Variants in SPOPL observed in about 807,000 individuals in gnomAD.
SPOPL encodes the protein speckle-type POZ protein-like.
In SPOPL, 23 loss-of-function variants were observed where a neutral mutation model predicts 53.8. The observed-to-expected ratio is 0.43, with a 90% CI of 0.31 to 0.61. The LOEUF (loss-of-function observed/expected upper bound fraction) is 0.61. SPOPL is among the 20% of genes least tolerant of loss of function. The pLI is 0.12. For synonymous variants in SPOPL, 164 were observed against 149.7 expected, an observed-to-expected ratio of 1.10 and a Z score of -0.70; for missense variants, 442 against 466.9, an observed-to-expected ratio of 0.95 and a Z score of 0.49.
intron 5 of SPOPL, 34 bp from the exon 6 acceptor site, chr2:138,558,988 G>A: frequency 6.5e-7 from 1 of 1,531,328 alleles, no homozygotes; most frequent in Non-Finnish European, 8.7e-7. Context: ...ATTACTTTGT[G>A]AAAGTGTTTT....
At chr2:138,534,209 G>T (rs34902922) in intron 1 of SPOPL, among the ~76,000 whole-genome samples, 14,353 of 152,148 alleles carry the variant, frequency 0.094, 836 homozygotes, top group Middle Eastern at 0.12. Flanking sequence ...GTGTTTTATA[G>T]AGTTGACCCT....
At chr2:138,555,131 GGTGTGTGTGTGTGTGT>G (rs61000380) in intron 5 of SPOPL, among the ~76,000 whole-genome samples, 8 of 140,090 alleles carry the variant, frequency 5.7e-5, no homozygotes, top group Admixed American at 3.6e-4. Context: ...AGGGTAGGAG[GGTGTGTGTGTGTGTGT>G]GTGTGTGTGT....
chr2:138,564,784 C>G lies in SPOPL; in HGVS notation c.914C>G (p.Thr305Ser). 1 of 1,614,112 alleles carries G rather than the reference C, an allele frequency of 6.2e-7. No individual in the cohort carries two copies. Among genetic ancestry groups the G allele is most frequent in the Non-Finnish European group, 8.5e-7 (1 of 1,180,000 alleles). ...CTCTCAGTAGAGAATGTTGCAGATA[C>G]CCTTGTCCTTGCAGATTTGCACAGT... ...SNLSVENVAD[T>S]LVLADLHSAE... Residue 305 changes from threonine to serine, a missense_variant, in exon 9 of 11, where the codon ACC (threonine) becomes AGC (serine). Coordinates refer to ENST00000280098, the MANE Select transcript of SPOPL (RefSeq NM_001001664.3).
At position 138,535,524 on chromosome 2, in the gene SPOPL, CT is replaced by C. The variant is rs1196839811; in HGVS notation, c.-60-14620del. 7.6e-3 allele frequency among the ~76,000 whole-genome samples: 871 copies of C among 114,566 alleles called. 7 individuals carry two copies. The highest frequency in any genetic ancestry group is 0.023 in the African/African-American group (686 of 29,832). The allele number at this position is 114,566 out of a possible 152,430, so 75.2% of individuals were successfully genotyped here. On this transcript the variant is annotated intron_variant, in intron 1 of 10. Transcript: ENST00000280098. ...CGTCAATGCAGGTGATTCCCCACTCCTTTTTTTTTTTTTAATAGCCATTCTA... is the reference window on the plus strand; with the variant it reads ...CGTCAATGCAGGTGATTCCCCACTCCTTTTTTTTTTTTAATAGCCATTCTA...
chr2:138,549,730 C>G (rs1333196572), intron 1 of SPOPL, among the ~76,000 whole-genome samples: 2 of 152,064 alleles, frequency 1.3e-5, no homozygotes, highest in Admixed American at 6.6e-5. Flanking sequence ...CTTCTGGAGT[C>G]TGACAGATGG....
chr2:138,540,701 G>A (rs868114287), intron 1 of SPOPL, among the ~76,000 whole-genome samples: 59 of 152,152 alleles, frequency 3.9e-4, no homozygotes, highest in African/African-American at 1.4e-3. Flanking sequence ...GGGACAATTT[G>A]ACTTCCTCTT....
At chr2:138,565,678 A>G (rs1038466151) in intron 10 of SPOPL, among the ~76,000 whole-genome samples, 14 of 152,146 alleles carry the variant, frequency 9.2e-5, no homozygotes, top group African/African-American at 3.1e-4. Flanking sequence ...AGTTTTGCCT[A>G]TAAACCCTTA....
At chr2:138,512,924 T>G (rs566515018) in intron 1 of SPOPL, among the ~76,000 whole-genome samples, 2 of 152,346 alleles carry the variant, frequency 1.3e-5, no homozygotes, top group South Asian at 4.1e-4. Flanking sequence ...CCAAGGACTT[T>G]ATATATACAT....
At chr2:138,548,154 CG>C in intron 1 of SPOPL, among the ~76,000 whole-genome samples, 1 of 151,414 alleles carries the variant, frequency 6.6e-6, no homozygotes, top group Middle Eastern at 3.4e-3. Flanking sequence ...TAGGGTTTGA[CG>C]GTTTAAAATA....
chr2:138,520,123 T>C (rs1450937713), intron 1 of SPOPL, among the ~76,000 whole-genome samples: 1 of 152,220 alleles, frequency 6.6e-6, no homozygotes, highest in Non-Finnish European at 1.5e-5. Flanking sequence ...GTTTATAAAC[T>C]AGAGCTTGAA....
At chr2:138,556,390 A>G (rs2104897589) in intron 5 of SPOPL, among the ~76,000 whole-genome samples, 1 of 152,344 alleles carries the variant, frequency 6.6e-6, no homozygotes, top group African/African-American at 2.4e-5. Flanking sequence ...TCAAGAAATC[A>G]TTTCTGAAAT....
chr2:138,538,354 G>C (rs1684983403), intron 1 of SPOPL, among the ~76,000 whole-genome samples: 1 of 152,062 alleles, frequency 6.6e-6, no homozygotes, highest in African/African-American at 2.4e-5. Flanking sequence ...AATTCTGTTA[G>C]TTTTTGCTTG....
intron 5 of SPOPL, among the ~76,000 whole-genome samples, chr2:138,555,169 T>TGTGTGTGC (rs759402351): frequency 4.2e-5 from 6 of 143,218 alleles, no homozygotes; most frequent in South Asian, 2.2e-4. Flanking sequence ...TGTGTGTGTG[T>TGTGTGTGC]GCGAGCCAGA....
intron 1 of SPOPL, among the ~76,000 whole-genome samples, chr2:138,520,076 ACCT>A (rs1434166192): frequency 6.6e-6 from 1 of 152,068 alleles, no homozygotes; most frequent in Non-Finnish European, 1.5e-5. Flanking sequence ...AGTTGAAATA[ACCT>A]CCTCTATGAG....
chr2:138,542,204 A>G (rs1685086965), intron 1 of SPOPL, among the ~76,000 whole-genome samples: 1 of 152,074 alleles, frequency 6.6e-6, no homozygotes, highest in Non-Finnish European at 1.5e-5. Context: ...AAAAAAATGT[A>G]TGTTCTGTTG....
In SPOPL at chr2:138,563,640, G is replaced by A. The variant is rs978867999; in HGVS notation, c.838-1068G>A. Among the ~76,000 whole-genome samples the A allele has an allele frequency of 7.2e-5, 11 of 152,216 alleles. 1 individual carries two copies. The highest frequency in any genetic ancestry group is 2.4e-4 in the African/African-American group (10 of 41,528). On this transcript the variant is annotated intron_variant, in intron 8 of 10. Coordinates refer to ENST00000280098, the MANE Select transcript of SPOPL (RefSeq NM_001001664.3). ...AATAGAATTCTCATGTTAAAGACAC[G>A]GAAAAATTAGGGCTCTCGTGTGCTG...
chr2:138,564,991 CAAGT>C lies in SPOPL; in HGVS notation c.1034+2_1034+5del. 8 of 1,613,922 alleles carry C rather than the reference CAAGT, an allele frequency of 5.0e-6. No individual in the cohort carries two copies. The highest frequency in any genetic ancestry group is 6.8e-6 in the Non-Finnish European group (8 of 1,179,978). ...GTAAAGATGGGAAAAACTGGAACAG[CAAGT>C]AAGATGACATCAGTTTCTGACTCAA... On this transcript the variant is annotated splice_donor_variant and coding_sequence_variant, in exon 10 of 11. Transcript: ENST00000280098. LOFTEE classifies it high-confidence loss of function.
At chr2:138,534,448 G>A (rs777331790) in intron 1 of SPOPL, among the ~76,000 whole-genome samples, 5 of 152,002 alleles carry the variant, frequency 3.3e-5, no homozygotes, top group African/African-American at 4.8e-5. Flanking sequence ...TTTGTATAAG[G>A]GACTGGAACA....
rs1357058810 is a variant in SPOPL, at chr2:138,564,810, G to A, written c.940G>A (p.Ala314Thr). Reference protein sequence around the residue: ...DTLVLADLHSAEQLKAQAIDF... With the variant: ...DTLVLADLHSTEQLKAQAIDF... ...CCTTGTCCTTGCAGATTTGCACAGTGCAGAACAGTTGAAAGCACAAGCCAT... is the reference window on the plus strand; with the variant it reads ...CCTTGTCCTTGCAGATTTGCACAGTACAGAACAGTTGAAAGCACAAGCCAT... Residue 314 changes from alanine (A) to threonine (T), a missense_variant, in exon 9 of 11, where the codon GCA (alanine) becomes ACA (threonine). By Grantham distance (58) the Ala-to-Thr change is moderately conservative. Transcript: ENST00000280098. 1 of 1,614,178 alleles carries A rather than the reference G, an allele frequency of 6.2e-7. No homozygotes were observed. Among genetic ancestry groups the A allele is most frequent in the Non-Finnish European group, 8.5e-7 (1 of 1,180,018 alleles).
Sources: gnomAD v4.1 joint callset for allele counts (sites outside exome capture counted in the v4.1 genomes callset) on GRCh38, gnomAD v4.1.1 for gene constraint, MANE v1.5 for transcripts, NCBI Gene and HGNC (gene_info 2026-07-23, HGNC 2026-07-21) for gene names.